The following MEIOC variants were observed in gnomAD, a reference collection of about 807,000 sequenced individuals.
The protein encoded by MEIOC is meiosis-specific coiled-coil domain-containing protein MEIOC.
Under a neutral mutation model 85.3 loss-of-function variants are expected in MEIOC, and 9 were observed. The ratio of observed to expected loss-of-function variants is 0.11; its 90% CI spans 0.06 to 0.18. The LOEUF (loss-of-function observed/expected upper bound fraction) is 0.18. MEIOC is among the 10% of genes least tolerant of loss of function. The pLI, the probability that MEIOC is intolerant of heterozygous loss-of-function variation, is 1.00. For synonymous variants in MEIOC, 365 were observed against 393.7 expected (o/e 0.93, Z 0.86); for missense variants, 898 against 1,129.4 (o/e 0.80, Z 2.94).
chr17:44,658,453 C>A (rs1232760087), intron 2 of MEIOC, among the ~76,000 whole-genome samples: 1 of 151,328 alleles, frequency 6.6e-6, no homozygotes, highest in Non-Finnish European at 1.5e-5. Context: ...CCGCGCCCGG[C>A]TACAATCTTT....
chr17:44,660,213 T>C (rs1460274778), intron 2 of MEIOC, among the ~76,000 whole-genome samples: 1 of 151,876 alleles, frequency 6.6e-6, no homozygotes, highest in Non-Finnish European at 1.5e-5. Flanking sequence ...ATTATATCTT[T>C]TCCTTTTTTA....
Position 44,667,900 on chromosome 17 carries a change from A to G in MEIOC, c.1989A>G (p.Ser663=). Residue 663 remains serine (S), a synonymous_variant, in exon 5 of 8, where the codon TCA becomes TCG. Coordinates refer to ENST00000409122, the MANE Select transcript of MEIOC (RefSeq NM_001145080.3). ...DNSRVNRTQV[S]CFSNNYMMGD... ...GCCGTGTGAATCGCACACAAGTGTC[A>G]TGCTTTTCTAATAATTATATGATGG... 6.2e-7 allele frequency: 1 copy of G among 1,613,918 alleles called. No homozygotes were observed. Among genetic ancestry groups the G allele is most frequent in the Non-Finnish European group, 8.5e-7 (1 of 1,179,830 alleles).
intron 2 of MEIOC, among the ~76,000 whole-genome samples, chr17:44,658,099 G>T (rs1270480016): frequency 6.8e-6 from 1 of 146,604 alleles, no homozygotes; most frequent in Non-Finnish European, 1.5e-5. Flanking sequence ...CCATCCTCCC[G>T]CCTCGGCCTC....
chr17:44,662,189 C>G (rs1971851085), intron 2 of MEIOC, 128 bp from the exon 3 acceptor site: 1 of 747,194 alleles, frequency 1.3e-6, no homozygotes, highest in Non-Finnish European at 2.1e-6. Flanking sequence ...GCTTAAGTCA[C>G]TAAGTCTGCA....
rs558737093 is a variant in MEIOC, at chr17:44,659,113, A to C, written c.204+1852A>C. Among the ~76,000 whole-genome samples, 3 of 152,350 alleles carry C rather than the reference A, an allele frequency of 2.0e-5. No individual in the cohort carries two copies. The East Asian group carries it at 5.8e-4, about 29-fold the overall frequency. ...GAAATAAAGCTTGGGTAATGTAAGT[A>C]ATTTTCATTTGAAATTATTTAACCA... is the stretch of plus-strand genomic sequence containing the variant. On this transcript the variant is annotated intron_variant, in intron 2 of 7. Transcript: ENST00000409122.
chr17:44,670,234 A>G (rs1345538724), intron 6 of MEIOC: 3 of 141,090 alleles, frequency 2.1e-5, no homozygotes, highest in African/African-American at 7.9e-5. Flanking sequence ...TTGCATTCCA[A>G]CCTGGGGAAC....
chr17:44,659,514 T>A (rs1971816838), intron 2 of MEIOC, among the ~76,000 whole-genome samples: 1 of 152,238 alleles, frequency 6.6e-6, no homozygotes. Flanking sequence ...GTATGATTGT[T>A]TGAATCCACC....
Position 44,667,775 on chromosome 17 carries a change from G to A in MEIOC, c.1864G>A (p.Gly622Ser). ...PQSGHYDPEE[G>S]PKHLDGLSQN... is the part of the protein sequence containing the mutation. ...GAGTGGACATTATGATCCTGAGGAA[G>A]GTCCAAAGCATTTAGATGGCTTATC... The change falls in exon 5 of 8, where the codon GGT (glycine) becomes AGT (serine). Residue 622 changes from glycine (G) to serine (S), a missense_variant. This residue lies in a region of MEIOC where 734 missense variants were observed against 860.1 expected (regional missense o/e 0.85). Transcript: ENST00000409122. 1 of 1,613,840 alleles carries A rather than the reference G, an allele frequency of 6.2e-7. No homozygotes were observed. The highest frequency in any genetic ancestry group is 8.5e-7 in the Non-Finnish European group (1 of 1,179,822).
intron 2 of MEIOC, among the ~76,000 whole-genome samples, chr17:44,657,874 C>T (rs1191225015): frequency 2.2e-5 from 3 of 136,502 alleles, no homozygotes; most frequent in Non-Finnish European, 4.7e-5. Context: ...TTTTTTGAGA[C>T]GGAGTCTCCT....
Position 44,673,977 on chromosome 17 carries a change from T to C in MEIOC, c.2640T>C (p.Asp880=). Residue 880 remains aspartate, a splice_region_variant and synonymous_variant, in exon 8 of 8, where the codon GAT becomes GAC. Transcript: ENST00000409122. ...QGVPRCQDDR[D]VFALASAIKE... ...TGACCCTGAATGTTTATTTTACAGATGTTTTTGCCCTTGCTTCTGCAATTA... is the reference window on the plus strand; with the variant it reads ...TGACCCTGAATGTTTATTTTACAGACGTTTTTGCCCTTGCTTCTGCAATTA... 6.4e-7 allele frequency: 1 copy of C among 1,551,136 alleles called. No homozygotes were observed. The highest frequency in any genetic ancestry group is 8.7e-7 in the Non-Finnish European group (1 of 1,146,526).
Position 44,666,843 on chromosome 17 carries a change from T to TCTC in MEIOC, c.932_933insCTC (p.Met311delinsIleSer). ...CCACTACAGCAAAAAAGGGCAGAGA[T>TCTC]GTTTCTTTCTCAATTTAATAGATAC... is the stretch of plus-strand genomic sequence containing the variant. On this transcript the variant is annotated protein_altering_variant, in exon 5 of 8. Transcript: ENST00000409122. The TCTC allele has an allele frequency of 6.2e-7, 1 of 1,612,070 alleles. No homozygotes were observed. The highest frequency in any genetic ancestry group is 8.5e-7 in the Non-Finnish European group (1 of 1,178,926).
At chr17:44,661,623 C>T in intron 2 of MEIOC, among the ~76,000 whole-genome samples, 1 of 151,996 alleles carries the variant, frequency 6.6e-6, no homozygotes, top group East Asian at 1.9e-4. Flanking sequence ...GCTATCTTGG[C>T]TCACTGCAAG....
At chr17:44,669,569 TAA>T in intron 6 of MEIOC, 52 bp downstream of exon 6, 1 of 1,540,696 alleles carries the variant, frequency 6.5e-7, no homozygotes, top group Non-Finnish European at 8.8e-7. Context: ...AAATTTTTTT[TAA>T]GTTTCAGGCC....
Position 44,674,208 on chromosome 17 carries a change from CAGAA to C in MEIOC, c.*17_*20del. The C allele has an allele frequency of 6.5e-7, 1 of 1,535,502 alleles. No individual in the cohort carries two copies. Among genetic ancestry groups the C allele is most frequent in the Non-Finnish European group, 8.8e-7 (1 of 1,138,422 alleles). ...CAAACAAACATTAAGGAAATGCCAG[CAGAA>C]AGAAGAATAAAAAGCTGATAAATAT... is the stretch of plus-strand genomic sequence containing the variant. On this transcript the variant is annotated 3_prime_UTR_variant, in exon 8 of 8. Transcript: ENST00000409122.
chr17:44,673,682 A>C, intron 7 of MEIOC, 136 bp downstream of exon 7: 1 of 797,490 alleles, frequency 1.3e-6, no homozygotes, highest in Non-Finnish European at 1.9e-6. Context: ...AATAATCTCC[A>C]CATTATTTAC....
chr17:44,662,557 C>T (rs2144661083), intron 3 of MEIOC, 86 bp downstream of exon 3: 2 of 938,090 alleles, frequency 2.1e-6, no homozygotes, highest in East Asian at 2.8e-5. Context: ...CTGTTCCCTA[C>T]ATTATCATTT....
At chr17:44,677,016 T>C, downstream of MEIOC, 2 of 917,086 alleles carry the variant, frequency 2.2e-6, no homozygotes, top group Non-Finnish European at 2.6e-6. Context: ...AACTGACTAC[T>C]AACAAATTGA....
At chr17:44,673,917 A>T in intron 7 of MEIOC, 59 bp from the exon 8 acceptor site, 1 of 1,524,744 alleles carries the variant, frequency 6.6e-7, no homozygotes, top group Middle Eastern at 1.7e-4. Flanking sequence ...GTTTTGTAAG[A>T]TTTAACAGAT....
intron 6 of MEIOC, chr17:44,670,783 C>CTA (rs770683148): frequency 0.37 from 55,918 of 151,160 alleles, 12,757 homozygotes; most frequent in East Asian, 0.56. Flanking sequence ...AAGCAATCCA[C>CTA]CTGCCTCAGC....
Sources: allele counts gnomAD v4.1 joint callset (sites outside exome capture counted in the v4.1 genomes callset), GRCh38; gene constraint gnomAD v4.1.1; regional missense constraint gnomAD v4.1.1; transcripts MANE v1.5; gene names NCBI Gene and HGNC (gene_info 2026-07-23, HGNC 2026-07-21).